QTRT1: variants seen among roughly 807,000 people sequenced by gnomAD.
QTRT1 encodes TGT, 43-KD subunit.
In QTRT1, 41 loss-of-function variants were observed where a neutral mutation model predicts 44.0. The observed-to-expected ratio is 0.93, with a 90% CI of 0.73 to 1.21. The LOEUF is 1.21. QTRT1 is among the 50% of genes most tolerant of loss of function. The probability of loss-of-function intolerance (pLI) is 0.00; values close to 1 mark genes in which losing one functional copy is unlikely to be tolerated. For synonymous variants in QTRT1, 226 were observed against 237.1 expected (o/e 0.95, Z 0.43); for missense variants, 542 against 575.8 (o/e 0.94, Z 0.60).
In QTRT1 at chr19:10,713,219, T is replaced by C. The variant is rs1437769669; in HGVS notation, c.1161T>C (p.Cys387=). The part of the protein sequence containing the change: ...MGAMYGDPTL[C]PTWATDALAS... ...CCATGTACGGGGATCCCACCCTCTG[T>C]CCCACCTGGGCCACTGACGCTCTGG... is the stretch of plus-strand genomic sequence containing the variant. Residue 387 remains cysteine, a synonymous_variant, in exon 10 of 10, where the codon TGT becomes TGC. Transcript: ENST00000250237. The surrounding 1 kb of genome is among the most constrained non-coding windows in gnomAD (Gnocchi z 4.3). The C allele has an allele frequency of 1.9e-6, 3 of 1,606,266 alleles. No individual in the cohort carries two copies. The highest frequency in any genetic ancestry group is 1.7e-6 in the Non-Finnish European group (2 of 1,176,330).
In QTRT1 at chr19:10,706,934, C is replaced by T. The variant is rs746947913; in HGVS notation, c.452-368C>T. 163 of 250,718 alleles carry T rather than the reference C, an allele frequency of 6.5e-4. 1 individual carries two copies. The highest frequency in any genetic ancestry group is 1.8e-3 in the African/African-American group (79 of 43,924). 15.5% of individuals were successfully genotyped at this position (250,718 alleles called of 1,614,324 possible). A position where few individuals can be genotyped will look rare whatever the true frequency, so the allele number is the denominator to read the frequency against. On this transcript the variant is annotated intron_variant, in intron 3 of 9. Coordinates refer to ENST00000250237, the MANE Select transcript of QTRT1 (RefSeq NM_031209.3). ...CTGACCTCAGATGACCTGCCTGCCT[C>T]GGCGTCCCCAAGTGCTGGGATTACA...
intron 5 of QTRT1, chr19:10,709,186 G>A (rs1009275001): frequency 2.6e-5 from 4 of 152,200 alleles, no homozygotes; most frequent in Middle Eastern, 3.1e-3. Flanking sequence ...ATGTAGCCTT[G>A]GACTAGTGGT....
Position 10,707,619 on chromosome 19 carries a change from G to A in QTRT1, c.646+4G>A. On this transcript the variant is annotated splice_donor_region_variant and intron_variant, in intron 5 of 9. Transcript: ENST00000250237. ...CTCCGGGCCACCTGCCTTGAAGGTAGAGCCATGCGCTGGCAGGCCCAGGGC... is the reference window on the plus strand; with the variant it reads ...CTCCGGGCCACCTGCCTTGAAGGTAAAGCCATGCGCTGGCAGGCCCAGGGC... 6.3e-7 allele frequency: 1 copy of A among 1,591,744 alleles called. No homozygotes were observed. Among genetic ancestry groups the A allele is most frequent in the Non-Finnish European group, 8.6e-7 (1 of 1,168,258 alleles).
At chr19:10,701,740 C>T (rs1302582358) in intron 1 of QTRT1, 37 bp downstream of exon 1, 3 of 1,557,150 alleles carry the variant, frequency 1.9e-6, no homozygotes, top group Non-Finnish European at 2.6e-6. Flanking sequence ...GGCGGCGAGG[C>T]GGCGAGGCGT....
chr19:10,701,779 G>T lies in QTRT1; in HGVS notation c.243+76G>T, dbSNP rs899372978. ...GAGCCATGGAGCGTCCTCCAGGCCC[G>T]GACACTCCTCCCAAAGTCAATCGAC... On this transcript the variant is annotated intron_variant, in intron 1 of 9. Transcript: ENST00000250237. 605 of 1,559,154 alleles carry T rather than the reference G, an allele frequency of 3.9e-4. 4 individuals carry two copies. The highest frequency in any genetic ancestry group is 1.9e-3 in the Middle Eastern group (10 of 5,154).
Position 10,712,587 on chromosome 19 carries a change from G to C in QTRT1, c.820G>C (p.Gly274Arg). Residue 274 changes from glycine (G) to arginine (R), a missense_variant, in exon 7 of 10, where the codon GGA becomes CGA. By Grantham distance (125) the Gly-to-Arg change is moderately radical. Coordinates refer to ENST00000250237, the MANE Select transcript of QTRT1 (RefSeq NM_031209.3). This position sits in a 1 kb window ranked among gnomAD's most constrained non-coding sequence, Gnocchi z 5.6. ...ATDLVVCVAL[G>R]CDMFDCVFPT... ...TGATCTGGTAGTCTGCGTGGCTCTT[G>C]GATGTGACATGTTCGACTGCGTCTT... The C allele has an allele frequency of 6.2e-7, 1 of 1,613,790 alleles. No homozygotes were observed. Among genetic ancestry groups the C allele is most frequent in the Non-Finnish European group, 8.5e-7 (1 of 1,179,946 alleles).
chr19:10,706,412 G>A (rs2068713721), intron 3 of QTRT1, among the ~76,000 whole-genome samples: 2 of 151,992 alleles, frequency 1.3e-5, no homozygotes, highest in African/African-American at 2.4e-5. Context: ...TCGCTCTGTC[G>A]CCTTGGCTGG....
chr19:10,708,687 C>A (rs2068725425), intron 5 of QTRT1, among the ~76,000 whole-genome samples: 1 of 152,098 alleles, frequency 6.6e-6, no homozygotes, highest in Admixed American at 6.6e-5. Flanking sequence ...CATGTAAACA[C>A]CCTGTGTCCA....
rs1437262892 is a variant in QTRT1, at chr19:10,701,689, C to T, written c.229C>T (p.Leu77=). 6 of 1,581,968 alleles carry T rather than the reference C, an allele frequency of 3.8e-6. No individual in the cohort carries two copies. The highest frequency in any genetic ancestry group is 5.2e-6 in the Non-Finnish European group (6 of 1,164,966). The change falls in exon 1 of 10, where the codon CTG becomes TTG. Residue 77 remains leucine, a synonymous_variant. Transcript: ENST00000250237. ...CRICLGNTYH[L]GLRPGPELIQ... is the part of the protein sequence containing the mutation. ...CATCTGCCTGGGCAATACCTACCAT[C>T]TGGGTCTAAGGCCGGTGGGTGGGCT...
At position 10,713,140 on chromosome 19, in the gene QTRT1, G is replaced by A. The variant is rs368812526; in HGVS notation, c.1082G>A (p.Arg361His). The A allele has an allele frequency of 6.2e-5, 99 of 1,608,532 alleles. No homozygotes were observed. Among genetic ancestry groups the A allele is most frequent in the African/African-American group, 5.3e-4 (40 of 74,872 alleles). ...CAGCTGCAGCTCATGAGCGCCGTCC[G>A]CACCAGCATCGTGGAGAAGCGCTTC... is the stretch of plus-strand genomic sequence containing the variant. Reference protein sequence around the residue: ...AYQLQLMSAVRTSIVEKRFPD... With the variant: ...AYQLQLMSAVHTSIVEKRFPD... The change falls in exon 10 of 10, where the codon CGC becomes CAC. Residue 361 changes from arginine (R) to histidine (H), a missense_variant. Coordinates refer to ENST00000250237, the MANE Select transcript of QTRT1 (RefSeq NM_031209.3). This position sits in a 1 kb window ranked among gnomAD's most constrained non-coding sequence, Gnocchi z 4.3.
intron 3 of QTRT1, among the ~76,000 whole-genome samples, chr19:10,704,767 G>T (rs2068705424): frequency 6.6e-6 from 1 of 150,488 alleles, no homozygotes; most frequent in African/African-American, 2.4e-5. Flanking sequence ...TTGTATTTTT[G>T]GTAGAGACGG....
chr19:10,707,275 G>A lies in QTRT1; in HGVS notation c.452-27G>A, dbSNP rs994914409. On this transcript the variant is annotated intron_variant, in intron 3 of 9. Coordinates refer to ENST00000250237, the MANE Select transcript of QTRT1 (RefSeq NM_031209.3). ...TCCCCAAGCATTGCGGGCTTTCCCA[G>A]TGATGTTGCCCCCATCTCACCATCA... The A allele has an allele frequency of 2.5e-6, 4 of 1,612,174 alleles. No individual in the cohort carries two copies. In the Admixed American group the frequency reaches 6.7e-5, roughly 27 times the overall value.
At chr19:10,704,686 C>T (rs1385487079) in intron 3 of QTRT1, among the ~76,000 whole-genome samples, 1 of 151,890 alleles carries the variant, frequency 6.6e-6, no homozygotes, top group East Asian at 1.9e-4. Flanking sequence ...CTCCTGGGTT[C>T]AAGCGATTCT....
In QTRT1 at chr19:10,712,216, G is replaced by C. The variant is rs2068741967; in HGVS notation, c.702G>C (p.Glu234Asp). ...CCATCGGGGGCCTGAGCGGGGGTGA[G>C]AGCAAGTCGCAGTTCTGGCGGATGG... The part of the protein sequence containing the change: ...GFAIGGLSGG[E>D]SKSQFWRMVA... The change falls in exon 6 of 10, where the codon GAG becomes GAC. Residue 234 changes from glutamate to aspartate, a missense_variant. Coordinates refer to ENST00000250237, the MANE Select transcript of QTRT1 (RefSeq NM_031209.3). The surrounding 1 kb of genome is among the most constrained non-coding windows in gnomAD (Gnocchi z 5.6). 6.2e-7 allele frequency: 1 copy of C among 1,613,924 alleles called. No individual in the cohort carries two copies. Among genetic ancestry groups the C allele is most frequent in the Admixed American group, 1.7e-5 (1 of 60,004 alleles).
At chr19:10,710,900 A>T (rs1320528366) in intron 5 of QTRT1, 3 of 148,444 alleles carry the variant, frequency 2.0e-5, no homozygotes, top group Non-Finnish European at 4.5e-5. Flanking sequence ...TCCAGCCTGG[A>T]TGACAAGAGC....
rs377094295 is a variant in QTRT1, at chr19:10,713,139, C to T, written c.1081C>T (p.Arg361Cys). The change falls in exon 10 of 10, where the codon CGC becomes TGC. Residue 361 changes from arginine (R) to cysteine (C), a missense_variant. By Grantham distance (180) the Arg-to-Cys change is radical. Coordinates refer to ENST00000250237, the MANE Select transcript of QTRT1 (RefSeq NM_031209.3). This position sits in a 1 kb window ranked among gnomAD's most constrained non-coding sequence, Gnocchi z 4.3. ...GCAGCTGCAGCTCATGAGCGCCGTC[C>T]GCACCAGCATCGTGGAGAAGCGCTT... The part of the protein sequence containing the change: ...AYQLQLMSAV[R>C]TSIVEKRFPD... 9.9e-6 allele frequency: 16 copies of T among 1,609,168 alleles called. No individual in the cohort carries two copies. Among genetic ancestry groups the T allele is most frequent in the African/African-American group, 2.7e-5 (2 of 75,030 alleles).
Position 10,707,283 on chromosome 19 carries a change from G to T in QTRT1, c.452-19G>T. Reference sequence around the variant, plus strand: ...CATTGCGGGCTTTCCCAGTGATGTTGCCCCCATCTCACCATCAGGCTCGGA... The same window carrying T: ...CATTGCGGGCTTTCCCAGTGATGTTTCCCCCATCTCACCATCAGGCTCGGA... On this transcript the variant is annotated intron_variant, in intron 3 of 9. Transcript: ENST00000250237. 1.2e-6 allele frequency: 2 copies of T among 1,613,818 alleles called. No individual in the cohort carries two copies. Among genetic ancestry groups the T allele is most frequent in the Non-Finnish European group, 1.7e-6 (2 of 1,179,738 alleles).
intron 3 of QTRT1, among the ~76,000 whole-genome samples, chr19:10,705,529 A>G (rs10407005): frequency 0.72 from 109,861 of 151,574 alleles, 40,611 homozygotes; most frequent in African/African-American, 0.87. Flanking sequence ...GTGAGTCACC[A>G]CGCCTGCCCC....
Position 10,701,532 on chromosome 19 carries a change from C to T in QTRT1, c.72C>T (p.Ser24=), listed in dbSNP as rs754694545. Residue 24 remains serine (S), a synonymous_variant, in exon 1 of 10, where the codon AGC becomes AGT. Transcript: ENST00000250237. ...PRIMRLVAEC[S]RSRARAGELW... ...TCATGCGGCTGGTGGCCGAATGCAGCCGCTCCAGGGCCCGGGCAGGCGAGC... is the reference window on the plus strand; with the variant it reads ...TCATGCGGCTGGTGGCCGAATGCAGTCGCTCCAGGGCCCGGGCAGGCGAGC... The T allele has an allele frequency of 6.3e-7, 1 of 1,596,394 alleles. No individual in the cohort carries two copies.
Sources: allele counts gnomAD v4.1 joint callset (sites outside exome capture counted in the v4.1 genomes callset), GRCh38; gene constraint gnomAD v4.1.1; non-coding constraint Gnocchi (gnomAD v3.1); transcripts MANE v1.5; gene names NCBI Gene and HGNC (gene_info 2026-07-23, HGNC 2026-07-21).